CBX1: variants seen among roughly 807,000 people sequenced by gnomAD.
The protein encoded by CBX1 is chromobox protein homolog 1.
CBX1 carries 10 observed loss-of-function variants against 25.1 expected under a neutral mutation model. That is an observed-to-expected ratio of 0.40 (90% confidence interval 0.25 to 0.68). The LOEUF (loss-of-function observed/expected upper bound fraction) is 0.68. Among genes scored for constraint, CBX1 ranks in the 30% least tolerant of loss-of-function variants. The probability of loss-of-function intolerance (pLI) is 0.40; values close to 1 mark genes in which losing one functional copy is unlikely to be tolerated. For synonymous variants in CBX1, 63 were observed against 79.4 expected, an observed-to-expected ratio of 0.79 and a Z score of 1.10; for missense variants, 106 against 218.5, an observed-to-expected ratio of 0.49 and a Z score of 3.25.
chr17:48,089,800 G>A (rs886127981), intron 1 of CBX1, among the ~76,000 whole-genome samples: 5 of 151,544 alleles, frequency 3.3e-5, no homozygotes, highest in African/African-American at 1.2e-4. Flanking sequence ...TCTAGCCTGG[G>A]CAACAAGAGT....
intron 1 of CBX1, among the ~76,000 whole-genome samples, chr17:48,093,849 G>T (rs2063357595): frequency 1.3e-5 from 2 of 151,872 alleles, no homozygotes. Flanking sequence ...GCCCGGCATG[G>T]TGACTCACGC....
chr17:48,094,114 C>CAAAAAAA (rs11459504), intron 1 of CBX1, among the ~76,000 whole-genome samples: 5 of 50,830 alleles, frequency 9.8e-5, no homozygotes, highest in Non-Finnish European at 1.7e-4. Context: ...AACTCTGTCT[C>CAAAAAAA]AAAAAAAAAA....
chr17:48,072,612 GTC>G (rs1400125528), intron 4 of CBX1, among the ~76,000 whole-genome samples: 4 of 151,858 alleles, frequency 2.6e-5, no homozygotes, highest in African/African-American at 7.3e-5. Flanking sequence ...GTGAAACCCT[GTC>G]TCTACTAAAA....
intron 2 of CBX1, among the ~76,000 whole-genome samples, chr17:48,076,451 T>TC (rs1173476189): frequency 1.3e-5 from 2 of 152,116 alleles, no homozygotes; most frequent in Non-Finnish European, 2.9e-5. Flanking sequence ...ATGCTTGTAG[T>TC]CCCAACACTT....
At chr17:48,094,407 C>A (rs944326388) in intron 1 of CBX1, among the ~76,000 whole-genome samples, 6 of 151,766 alleles carry the variant, frequency 4.0e-5, no homozygotes, top group African/African-American at 1.5e-4. Context: ...GCACTCCAGC[C>A]TGGGATACAG....
chr17:48,089,144 A>G (rs2063329205), intron 1 of CBX1, among the ~76,000 whole-genome samples: 1 of 140,306 alleles, frequency 7.1e-6, no homozygotes, highest in African/African-American at 2.6e-5. Flanking sequence ...TCAGTCGCCC[A>G]GGCTGGAGTG....
At chr17:48,084,195 T>C (rs1372079531) in intron 1 of CBX1, among the ~76,000 whole-genome samples, 1 of 139,534 alleles carries the variant, frequency 7.2e-6, no homozygotes. Context: ...AGGCTTCTCT[T>C]TCTTTCCTTT....
At chr17:48,097,250 G>A (rs766254608) in intron 1 of CBX1, among the ~76,000 whole-genome samples, 2 of 145,850 alleles carry the variant, frequency 1.4e-5, no homozygotes, top group African/African-American at 2.5e-5. Context: ...GCGAAACTCC[G>A]TCTCAAAAAA....
chr17:48,084,100 T>C (rs988779317), intron 1 of CBX1, among the ~76,000 whole-genome samples: 1 of 149,920 alleles, frequency 6.7e-6, no homozygotes, highest in Non-Finnish European at 1.5e-5. Flanking sequence ...TCCTCCCAAG[T>C]AGCTGGGACT....
chr17:48,071,023 G>C lies in CBX1; in HGVS notation c.*412C>G, dbSNP rs749629399. ...TCCCCCAAATAATACACCAGTAATA[G>C]CCAAAAACTACACACATGCTACGCT... On this transcript the variant is annotated 3_prime_UTR_variant, in exon 5 of 5. Transcript: ENST00000225603. 1 of 139,866 alleles carries C rather than the reference G, an allele frequency of 7.1e-6. No homozygotes were observed. The highest frequency in any genetic ancestry group is 2.6e-5 in the African/African-American group (1 of 38,270). 8.7% of individuals were successfully genotyped at this position (139,866 alleles called of 1,614,324 possible).
At chr17:48,078,793 T>TA (rs1372817699) in intron 1 of CBX1, among the ~76,000 whole-genome samples, 1 of 130,528 alleles carries the variant, frequency 7.7e-6, no homozygotes, top group East Asian at 2.2e-4. Context: ...TGGACTTTTT[T>TA]TTTTTTTTTT....
At chr17:48,083,591 G>A (rs1324024082) in intron 1 of CBX1, among the ~76,000 whole-genome samples, 2 of 150,448 alleles carry the variant, frequency 1.3e-5, no homozygotes, top group Non-Finnish European at 2.9e-5. Context: ...GGGAGGCCGA[G>A]GTGAGCGGAT....
Position 48,071,706 on chromosome 17 carries a change from G to A in CBX1, c.414-127C>T, listed in dbSNP as rs181249989. On this transcript the variant is annotated intron_variant, in intron 4 of 4. Coordinates refer to ENST00000225603, the MANE Select transcript of CBX1 (RefSeq NM_001127228.2). ...AAATAGGCTAGGGAACAATGAAAAC[G>A]TGGCCCAAGCAGCATTTACTGGCAA... 2.8e-4 allele frequency: 204 copies of A among 736,954 alleles called. No homozygotes were observed. The African/African-American group carries it at 3.4e-3, about 12-fold the overall frequency. 45.7% of individuals were successfully genotyped at this position (736,954 alleles called of 1,614,324 possible).
intron 4 of CBX1, among the ~76,000 whole-genome samples, chr17:48,072,619 C>T (rs139445535): frequency 0.019 from 2,951 of 151,944 alleles, 102 homozygotes; most frequent in African/African-American, 0.068. Context: ...CCTGTCTCTA[C>T]TAAAAATACA....
intron 1 of CBX1, among the ~76,000 whole-genome samples, chr17:48,079,121 C>A (rs548309933): frequency 6.8e-6 from 1 of 147,540 alleles, no homozygotes; most frequent in African/African-American, 2.5e-5. Context: ...GCACCTCCCC[C>A]TCTTTGAGAT....
intron 1 of CBX1, among the ~76,000 whole-genome samples, chr17:48,092,762 A>G (rs1420977842): frequency 1.3e-5 from 2 of 151,908 alleles, no homozygotes; most frequent in African/African-American, 4.8e-5. Context: ...GCGAGACTCT[A>G]TCTCTAAAAG....
intron 1 of CBX1, among the ~76,000 whole-genome samples, chr17:48,085,826 G>A (rs1161274181): frequency 6.6e-6 from 1 of 152,168 alleles, no homozygotes; most frequent in Non-Finnish European, 1.5e-5. Context: ...AGCACTCTGG[G>A]AGGCTGAGGA....
rs1333830687 is a variant in CBX1 at position 48,080,993 on chromosome 17, T to C, written c.-37-3952A>G. Among the ~76,000 whole-genome samples the C allele has an allele frequency of 2.9e-4, 20 of 69,540 alleles. 1 individual carries two copies. Among genetic ancestry groups the C allele is most frequent in the Non-Finnish European group, 5.0e-5 (2 of 39,992 alleles). 45.6% of individuals were successfully genotyped at this position (69,540 alleles called of 152,430 possible). Reference sequence around the variant, plus strand: ...ATATATATATATATATATATATATATAAAATTTGTCTTAGAAAAATAAATA... The same window carrying C: ...ATATATATATATATATATATATATACAAAATTTGTCTTAGAAAAATAAATA... On this transcript the variant is annotated intron_variant, in intron 1 of 4. Coordinates refer to ENST00000225603, the MANE Select transcript of CBX1 (RefSeq NM_001127228.2).
intron 1 of CBX1, among the ~76,000 whole-genome samples, chr17:48,097,876 T>C (rs1319933645): frequency 6.6e-6 from 1 of 152,170 alleles, no homozygotes; most frequent in East Asian, 1.9e-4. Context: ...TTGCTACTGG[T>C]AAATTATTGC....
Sources: allele counts gnomAD v4.1 joint callset (sites outside exome capture counted in the v4.1 genomes callset), GRCh38; gene constraint gnomAD v4.1.1; transcripts MANE v1.5; gene names NCBI Gene and HGNC (gene_info 2026-07-23, HGNC 2026-07-21).